Variants in MYO19 observed in about 807,000 individuals in gnomAD.
The protein encoded by MYO19 is unconventional myosin-XIX.
Under a neutral mutation model 129.2 loss-of-function variants are expected in MYO19, and 132 were observed. The observed-to-expected ratio is 1.02, with a 90% CI of 0.89 to 1.18. The LOEUF is 1.18. MYO19 is among the 50% of genes most tolerant of loss of function. The pLI is 0.00. For missense variants in MYO19, 1,210 were observed against 1,216.7 expected (o/e 0.99, Z 0.08); for synonymous variants, 531 against 477.2 (o/e 1.11, Z -1.47).
chr17:36,503,028 G>A lies in MYO19; in HGVS notation c.2080+69C>T, dbSNP rs572785887. The A allele has an allele frequency of 8.1e-6, 11 of 1,352,692 alleles. No homozygotes were observed. The African/African-American group carries it at 1.3e-4, about 16-fold the overall frequency. 83.8% of individuals were successfully genotyped at this position (1,352,692 alleles called of 1,614,324 possible). ...AGTAAGCCCCAGCCCCTAGCCCTAA[G>A]ACAGGGCACAGGGTAGATGCTCAGT... On this transcript the variant is annotated intron_variant, in intron 21 of 25. Coordinates refer to ENST00000614623, the MANE Select transcript of MYO19 (RefSeq NM_001163735.2).
rs763971586 is a variant in MYO19, at chr17:36,496,410, G to C, written c.2758-4C>G. 6.2e-7 allele frequency: 1 copy of C among 1,613,838 alleles called. No homozygotes were observed. The highest frequency in any genetic ancestry group is 1.1e-5 in the South Asian group (1 of 91,078). ...TGCAGTGAAACTTTATCGATCCCTA[G>C]AGGGGAGAGAGAGATGCAGCTTTAG... On this transcript the variant is annotated splice_polypyrimidine_tract_variant and splice_region_variant and intron_variant, in intron 25 of 25. Transcript: ENST00000614623.
At position 36,497,436 on chromosome 17, in the gene MYO19, G is replaced by A. The variant is rs1176306134; in HGVS notation, c.2757+830C>T. 3.3e-5 allele frequency among the ~76,000 whole-genome samples: 5 copies of A among 152,026 alleles called. No homozygotes were observed. The East Asian group carries it at 9.6e-4, about 29-fold the overall frequency. Reference sequence around the variant, plus strand: ...TGGGGAAAACATGGTGCCAAATCCAGTGCCATTTGAGGTAACAAACTCCTC... The same window carrying A: ...TGGGGAAAACATGGTGCCAAATCCAATGCCATTTGAGGTAACAAACTCCTC... On this transcript the variant is annotated intron_variant, in intron 25 of 25. Coordinates refer to ENST00000614623, the MANE Select transcript of MYO19 (RefSeq NM_001163735.2).
intron 6 of MYO19, among the ~76,000 whole-genome samples, 196 bp from the exon 7 acceptor site, chr17:36,516,186 G>C (rs1290724313): frequency 6.6e-6 from 1 of 152,092 alleles, no homozygotes; most frequent in Non-Finnish European, 1.5e-5. Flanking sequence ...GTAGACATCT[G>C]TTTCTCTCAG....
chr17:36,512,648 A>T, intron 11 of MYO19: 1 of 1,288,880 alleles, frequency 7.8e-7, no homozygotes, highest in South Asian at 1.2e-5. Flanking sequence ...TCCTTCTGTC[A>T]AGTTCTTACC....
chr17:36,528,330 A>C (rs2142391994), intron 3 of MYO19, 128 bp from the exon 4 acceptor site: 2 of 967,756 alleles, frequency 2.1e-6, no homozygotes, highest in Middle Eastern at 3.5e-4. Context: ...AACACGGTGA[A>C]ACCCCGTCTC....
At chr17:36,498,838 A>C in intron 24 of MYO19, 3 of 592,624 alleles carry the variant, frequency 5.1e-6, no homozygotes, top group South Asian at 4.1e-5. Context: ...TAAAGTGTAC[A>C]TCCCAGAGTT....
At chr17:36,525,159 G>C in intron 6 of MYO19, 69 bp downstream of exon 6, 1 of 1,179,958 alleles carries the variant, frequency 8.5e-7, no homozygotes. Context: ...GAAGGCCAAG[G>C]AATGACCCCT....
upstream of MYO19, among the ~76,000 whole-genome samples, chr17:36,536,524 CTTTT>C (rs10715370): frequency 8.0e-6 from 1 of 125,530 alleles, no homozygotes; most frequent in Non-Finnish European, 1.6e-5. Context: ...TTTTCTTTTC[CTTTT>C]TTTTTTTTTT....
intron 3 of MYO19, among the ~76,000 whole-genome samples, chr17:36,530,497 C>T (rs2073768327): frequency 6.8e-6 from 1 of 147,306 alleles, no homozygotes; most frequent in South Asian, 2.2e-4. Context: ...CGCTCTGTCG[C>T]CCAGGCTGGA....
At chr17:36,513,054 G>T in intron 11 of MYO19, 1 of 1,176,916 alleles carries the variant, frequency 8.5e-7, no homozygotes, top group Non-Finnish European at 1.1e-6. Context: ...CACACACAGA[G>T]GACTGTTTAA....
At chr17:36,507,569 G>T in intron 15 of MYO19, 57 bp from the exon 16 acceptor site, 2 of 1,549,526 alleles carry the variant, frequency 1.3e-6, no homozygotes, top group Non-Finnish European at 8.9e-7. Flanking sequence ...ATGTCCTGAC[G>T]GGCCATCCAC....
chr17:36,508,054 A>G, intron 14 of MYO19, 130 bp from the exon 15 acceptor site: 1 of 997,612 alleles, frequency 1.0e-6, no homozygotes, highest in Non-Finnish European at 1.4e-6. Context: ...AGGCTGAGTG[A>G]GCATGACACC....
chr17:36,528,169 C>G lies in MYO19; in HGVS notation c.46G>C (p.Ala16Pro). ...AGGTCTTCTCTGAGGTACTCCCTGG[C>G]TTGGCCATCAGACCCCGGATTGTGG... is the stretch of plus-strand genomic sequence containing the variant. ...NGHNPGSDGQ[A>P]REYLREDLQE... The change falls in exon 4 of 26, where the codon GCC becomes CCC. Residue 16 changes from alanine (A) to proline (P), a missense_variant. Coordinates refer to ENST00000614623, the MANE Select transcript of MYO19 (RefSeq NM_001163735.2). 1 of 1,604,286 alleles carries G rather than the reference C, an allele frequency of 6.2e-7. No individual in the cohort carries two copies. Among genetic ancestry groups the G allele is most frequent in the Non-Finnish European group, 8.5e-7 (1 of 1,175,126 alleles).
intron 7 of MYO19, 30 bp from the exon 8 acceptor site, chr17:36,515,212 C>A: frequency 6.2e-7 from 1 of 1,601,130 alleles, no homozygotes. Flanking sequence ...TTATTTCACT[C>A]CCCTGGGTTT....
Position 36,506,958 on chromosome 17 carries a change from C to A in MYO19, c.1644+5G>T. On this transcript the variant is annotated splice_donor_5th_base_variant and intron_variant, in intron 17 of 25. Transcript: ENST00000614623. ...AGGCCCCACAGGGCATGGCCCAGCC[C>A]GTACCTTGTTCTTCTCCACCAGGCC... 6.3e-7 allele frequency: 1 copy of A among 1,588,134 alleles called. No homozygotes were observed. Among genetic ancestry groups the A allele is most frequent in the Non-Finnish European group, 8.6e-7 (1 of 1,161,970 alleles).
chr17:36,512,250 T>G (rs2142046831), intron 11 of MYO19, among the ~76,000 whole-genome samples: 1 of 147,304 alleles, frequency 6.8e-6, no homozygotes, highest in Middle Eastern at 3.5e-3. Context: ...ATTAGCTGGG[T>G]GTGGTGGCAC....
In MYO19 at chr17:36,496,081, G is replaced by A. The variant is rs2070939079; in HGVS notation, c.*170C>T. ...GTGCTTGATGTAGCCTGGAACCCCA[G>A]GCCCACTGACGCACTGGGCACGGGG... is the stretch of plus-strand genomic sequence containing the variant. On this transcript the variant is annotated 3_prime_UTR_variant, in exon 26 of 26. Coordinates refer to ENST00000614623, the MANE Select transcript of MYO19 (RefSeq NM_001163735.2). 1.1e-6 allele frequency: 1 copy of A among 946,110 alleles called. No homozygotes were observed. The highest frequency in any genetic ancestry group is 1.7e-5 in the South Asian group (1 of 60,214). The allele number at this position is 946,110 out of a possible 1,614,324, so 58.6% of individuals were successfully genotyped here.
intron 6 of MYO19, among the ~76,000 whole-genome samples, chr17:36,521,354 C>T (rs967685034): frequency 6.6e-6 from 1 of 151,792 alleles, no homozygotes; most frequent in Non-Finnish European, 1.5e-5. Flanking sequence ...TAGAAAAAAA[C>T]TAGAATGTAG....
At chr17:36,508,311 T>G (rs2072066006) in intron 14 of MYO19, 1 of 167,160 alleles carries the variant, frequency 6.0e-6, no homozygotes, top group Non-Finnish European at 1.3e-5. Context: ...ACTAGCCAAT[T>G]TGGTGCCTAG....
Sources: allele counts gnomAD v4.1 joint callset (sites outside exome capture counted in the v4.1 genomes callset), GRCh38; gene constraint gnomAD v4.1.1; transcripts MANE v1.5; gene names NCBI Gene and HGNC (gene_info 2026-07-23, HGNC 2026-07-21).